Variants in CREB1 observed in about 807,000 individuals in gnomAD.
CREB1 encodes cAMP responsive element binding protein 1, also known as cyclic AMP-responsive element-binding protein 1.
In CREB1, 2 loss-of-function variants were observed where a neutral mutation model predicts 42.0. That is an observed-to-expected ratio of 0.05 (90% CI 0.02 to 0.15). CREB1 has a LOEUF of 0.15. Among genes scored for constraint, CREB1 ranks in the 10% least tolerant of loss-of-function variants. CREB1 has a pLI of 1.00. For synonymous variants in CREB1, 123 were observed against 139.9 expected (o/e 0.88, Z 0.85); for missense variants, 199 against 388.9 (o/e 0.51, Z 4.11).
Position 207,601,619 on chromosome 2 carries a change from A to G in CREB1, c.*4561A>G, listed in dbSNP as rs2106636870. 1 of 209,036 alleles carries G rather than the reference A, an allele frequency of 4.8e-6. No homozygotes were observed. The highest frequency in any genetic ancestry group is 2.3e-5 in the African/African-American group (1 of 44,158). The allele number at this position is 209,036 out of a possible 1,614,324, so 12.9% of individuals were successfully genotyped here. A position where few individuals can be genotyped will look rare whatever the true frequency, so the allele number is the denominator to read the frequency against. On this transcript the variant is annotated 3_prime_UTR_variant, in exon 8 of 8. Transcript: ENST00000353267. ...TTAATACTGTACATAGTATGCCAAAATATCCATTAATTTGTCTAGAATAGT... is the reference window on the plus strand; with the variant it reads ...TTAATACTGTACATAGTATGCCAAAGTATCCATTAATTTGTCTAGAATAGT...
Position 207,598,485 on chromosome 2 carries a change from TTA to T in CREB1, c.*1428_*1429del, listed in dbSNP as rs1491173103. 4.2e-5 allele frequency: 3 copies of T among 71,916 alleles called. No individual in the cohort carries two copies. The highest frequency in any genetic ancestry group is 7.3e-5 in the Non-Finnish European group (3 of 41,012). The allele number at this position is 71,916 out of a possible 1,614,324, so 4.5% of individuals were successfully genotyped here. On this transcript the variant is annotated 3_prime_UTR_variant, in exon 8 of 8. Coordinates refer to ENST00000353267, the MANE Select transcript of CREB1 (RefSeq NM_004379.5). ...AGCTCGATAAATCTAACAGTTACTC[TTA>T]AAAAAAAAAAAAAAAGACTAAGGTG...
rs142539538 is a variant in CREB1, at chr2:207,589,698, A to G, written c.840-7216A>G. Among the ~76,000 whole-genome samples, 198 of 152,300 alleles carry G rather than the reference A, an allele frequency of 1.3e-3. No homozygotes were observed. The East Asian group carries it at 0.031, about 24-fold the overall frequency. On this transcript the variant is annotated intron_variant, in intron 7 of 7. Transcript: ENST00000353267. ...GTTTAATCTTGTCAAATGCTTTTCCAGAATCTACTGAGGTGATCGTGTTGT... is the reference window on the plus strand; with the variant it reads ...GTTTAATCTTGTCAAATGCTTTTCCGGAATCTACTGAGGTGATCGTGTTGT...
intron 1 of CREB1, chr2:207,550,278 C>A (rs1215953318): frequency 6.6e-6 from 1 of 151,048 alleles, no homozygotes; most frequent in Non-Finnish European, 1.5e-5. Flanking sequence ...GGAGGAGTTG[C>A]CCACTTGTTA....
chr2:207,601,281 G>C lies in CREB1; in HGVS notation c.*4223G>C, dbSNP rs1329583301. On this transcript the variant is annotated 3_prime_UTR_variant, in exon 8 of 8. Transcript: ENST00000353267. ...CACTTTTTTAAATGACCCAGTTTGG[G>C]TATTAGCAACTTAAGAAATTCCCTC... is the stretch of plus-strand genomic sequence containing the variant. The C allele has an allele frequency of 5.4e-6, 1 of 185,240 alleles. No homozygotes were observed. The highest frequency in any genetic ancestry group is 8.8e-5 in the East Asian group (1 of 11,392). The allele number at this position is 185,240 out of a possible 1,614,324, so 11.5% of individuals were successfully genotyped here.
At chr2:207,539,400 A>G (rs1029888315) in intron 1 of CREB1, among the ~76,000 whole-genome samples, 2 of 151,844 alleles carry the variant, frequency 1.3e-5, no homozygotes, top group African/African-American at 4.8e-5. Context: ...TAGTAGCTCT[A>G]TTGTTTGCTG....
At chr2:207,530,542 C>T (rs1489019736) in intron 1 of CREB1, among the ~76,000 whole-genome samples, 3 of 145,888 alleles carry the variant, frequency 2.1e-5, no homozygotes, top group Non-Finnish European at 4.6e-5. Flanking sequence ...GGGAGGCCGC[C>T]CGCTCGGCCC....
chr2:207,577,169 ATACTC>A (rs1290798644), intron 6 of CREB1: 48 of 1,053,524 alleles, frequency 4.6e-5, no homozygotes, highest in South Asian at 6.6e-5. Context: ...ACTGAGGACT[ATACTC>A]TATCTAGGAA....
At chr2:207,531,942 T>C (rs376491101) in intron 1 of CREB1, among the ~76,000 whole-genome samples, 2 of 152,244 alleles carry the variant, frequency 1.3e-5, no homozygotes, top group African/African-American at 2.4e-5. Flanking sequence ...TCTATAAAGA[T>C]TGGGGAAATG....
At chr2:207,571,614 C>T (rs2082367300) in intron 5 of CREB1, 2 of 277,274 alleles carry the variant, frequency 7.2e-6, no homozygotes, top group Admixed American at 4.2e-5. Context: ...CAACTCTTTA[C>T]CTACAATTCT....
chr2:207,542,095 G>T (rs983469194), intron 1 of CREB1, among the ~76,000 whole-genome samples: 2 of 152,104 alleles, frequency 1.3e-5, no homozygotes, highest in Non-Finnish European at 2.9e-5. Context: ...ACGGACATTG[G>T]ACTTTTTGAT....
intron 1 of CREB1, among the ~76,000 whole-genome samples, chr2:207,550,089 TATAG>T (rs2081446538): frequency 6.6e-6 from 1 of 152,154 alleles, no homozygotes; most frequent in Non-Finnish European, 1.5e-5. Context: ...TGTAGGTACT[TATAG>T]ATATATTTAT....
chr2:207,560,714 CT>C lies in CREB1; in HGVS notation c.261+343del, dbSNP rs1219251551. On this transcript the variant is annotated intron_variant, in intron 3 of 7. Transcript: ENST00000353267. ...AGATGCAAAAATAGTAACTAATTTT[CT>C]AAATCTGCAATTGGAGAAAAATATA... 9.2e-5 allele frequency among the ~76,000 whole-genome samples: 14 copies of C among 152,272 alleles called. No homozygotes were observed. In the East Asian group the frequency reaches 2.7e-3, roughly 29 times the overall value.
At chr2:207,567,055 G>A (rs2082166519) in intron 3 of CREB1, among the ~76,000 whole-genome samples, 1 of 152,106 alleles carries the variant, frequency 6.6e-6, no homozygotes, top group Non-Finnish European at 1.5e-5. Context: ...ATTCATAAGT[G>A]TTTATACAGT....
At chr2:207,530,578 C>T (rs1414627473) in intron 1 of CREB1, among the ~76,000 whole-genome samples, 4 of 146,742 alleles carry the variant, frequency 2.7e-5, no homozygotes, top group Admixed American at 6.8e-5. Flanking sequence ...GCCGCTCGCT[C>T]GTCCGGCCCC....
chr2:207,543,538 T>C (rs2081180483), intron 1 of CREB1, among the ~76,000 whole-genome samples: 1 of 152,188 alleles, frequency 6.6e-6, no homozygotes, highest in African/African-American at 2.4e-5. Context: ...ATCACTCTTG[T>C]AGTACTGCAT....
At chr2:207,580,267 C>G (rs1005480760) in intron 7 of CREB1, among the ~76,000 whole-genome samples, 1 of 152,140 alleles carries the variant, frequency 6.6e-6, no homozygotes, top group Admixed American at 6.5e-5. Flanking sequence ...TTCACTGATT[C>G]CAGTATGCAG....
At position 207,599,446 on chromosome 2, in the gene CREB1, TACTG is replaced by T; in HGVS notation, c.*2389_*2392del. 1 of 199,136 alleles carries T rather than the reference TACTG, an allele frequency of 5.0e-6. No individual in the cohort carries two copies. Among genetic ancestry groups the T allele is most frequent in the East Asian group, 7.8e-5 (1 of 12,742 alleles). The allele number at this position is 199,136 out of a possible 1,614,324, so 12.3% of individuals were successfully genotyped here. The stretch of plus-strand genomic sequence containing the variant: ...TTTTCAAAAGTTCAGGCTTTCTACT[TACTG>T]GGAAGTTGGTGGTCCTCTTAGTCCC... On this transcript the variant is annotated 3_prime_UTR_variant, in exon 8 of 8. Coordinates refer to ENST00000353267, the MANE Select transcript of CREB1 (RefSeq NM_004379.5).
rs1256940137 is a variant in CREB1, at chr2:207,577,563, C to T, written c.747C>T (p.Ala249=). 1.2e-6 allele frequency: 2 copies of T among 1,614,002 alleles called. No homozygotes were observed. Among genetic ancestry groups the T allele is most frequent in the Non-Finnish European group, 1.7e-6 (2 of 1,179,970 alleles). Reference sequence around the variant, plus strand: ...GCACAGCACCCACTAGCACTATTGCCCCTGGAGTTGTTATGGCATCCTCCC... The same window carrying T: ...GCACAGCACCCACTAGCACTATTGCTCCTGGAGTTGTTATGGCATCCTCCC... ...QIRTAPTSTI[A]PGVVMASSPA... Residue 249 remains alanine (A), a synonymous_variant, in exon 7 of 8, where the codon GCC becomes GCT. Transcript: ENST00000353267.
chr2:207,593,762 A>G (rs1165595781), intron 7 of CREB1, among the ~76,000 whole-genome samples: 1 of 139,148 alleles, frequency 7.2e-6, no homozygotes. Context: ...CCTATCACCC[A>G]GGCTGGAGTG....
Sources: allele counts gnomAD v4.1 joint callset (sites outside exome capture counted in the v4.1 genomes callset), GRCh38; gene constraint gnomAD v4.1.1; transcripts MANE v1.5; gene names NCBI Gene and HGNC (gene_info 2026-07-23, HGNC 2026-07-21).